The following ASPH variants were observed in gnomAD, a reference collection of about 807,000 sequenced individuals.
ASPH encodes the protein aspartate beta-hydroxylase.
A neutral mutation model predicts 118.4 loss-of-function variants in ASPH; 100 were observed. The ratio of observed to expected loss-of-function variants is 0.84; its 90% CI spans 0.72 to 1.00. The LOEUF is 1.00. Among genes scored for constraint, ASPH ranks in the 50% least tolerant of loss-of-function variants. The pLI is 0.00. For missense variants in ASPH, 920 were observed against 919.5 expected (o/e 1.00, Z -0.01); for synonymous variants, 315 against 325.6 (o/e 0.97, Z 0.35).
At chr8:61,640,206 A>G (rs917753224) in intron 10 of ASPH, among the ~76,000 whole-genome samples, 2 of 152,178 alleles carry the variant, frequency 1.3e-5, no homozygotes, top group Admixed American at 1.3e-4. Context: ...TCCTTCAGAC[A>G]GAGAGAGATG....
intron 24 of ASPH, among the ~76,000 whole-genome samples, chr8:61,505,976 G>T (rs933360759): frequency 6.6e-6 from 1 of 152,180 alleles, no homozygotes; most frequent in Non-Finnish European, 1.5e-5. Flanking sequence ...TATAATTTAT[G>T]TAGAAGATGA....
intron 1 of ASPH, among the ~76,000 whole-genome samples, chr8:61,703,954 G>A (rs1444749426): frequency 2.0e-5 from 3 of 152,056 alleles, no homozygotes; most frequent in Non-Finnish European, 2.9e-5. Context: ...GAGGGACTTT[G>A]GGAGGCCGAG....
intron 1 of ASPH, among the ~76,000 whole-genome samples, chr8:61,694,031 T>C (rs1833340739): frequency 6.6e-6 from 1 of 152,084 alleles, no homozygotes; most frequent in African/African-American, 2.4e-5. Context: ...CACCCTCCCA[T>C]ATTCTCTACA....
At chr8:61,619,519 G>C (rs1850164927) in intron 13 of ASPH, among the ~76,000 whole-genome samples, 1 of 152,276 alleles carries the variant, frequency 6.6e-6, no homozygotes, top group Middle Eastern at 3.4e-3. Context: ...ATCCATTGGG[G>C]GAGCTTGTGC....
intron 10 of ASPH, among the ~76,000 whole-genome samples, chr8:61,639,332 A>C (rs1588477865): frequency 1.3e-5 from 2 of 148,242 alleles, no homozygotes; most frequent in African/African-American, 5.0e-5. Context: ...CCCTCAACTC[A>C]CTCCCGCCTG....
chr8:61,501,086 A>G lies in ASPH; in HGVS notation c.*2273T>C, dbSNP rs1342738283. On this transcript the variant is annotated 3_prime_UTR_variant, in exon 25 of 25. Coordinates refer to ENST00000379454, the MANE Select transcript of ASPH (RefSeq NM_004318.4). Reference sequence around the variant, plus strand: ...ATATTTCTCAAACAACTGTATCACAATATAAATTAAACTAATTCATTTTTG... The same window carrying G: ...ATATTTCTCAAACAACTGTATCACAGTATAAATTAAACTAATTCATTTTTG... 1 of 152,240 alleles carries G rather than the reference A, an allele frequency of 6.6e-6. No individual in the cohort carries two copies. The highest frequency in any genetic ancestry group is 2.4e-5 in the African/African-American group (1 of 41,474). The allele number at this position is 152,240 out of a possible 1,614,324, so 9.4% of individuals were successfully genotyped here. A position where few individuals can be genotyped will look rare whatever the true frequency, so the allele number is the denominator to read the frequency against.
intron 6 of ASPH, among the ~76,000 whole-genome samples, chr8:61,646,046 A>C (rs1588587949): frequency 6.6e-6 from 1 of 152,184 alleles, no homozygotes; most frequent in Non-Finnish European, 1.5e-5. Flanking sequence ...TTGGCAGGGC[A>C]TGGTAGCATA....
At chr8:61,587,660 A>C (rs999218046) in intron 14 of ASPH, among the ~76,000 whole-genome samples, 3 of 152,248 alleles carry the variant, frequency 2.0e-5, no homozygotes, top group Admixed American at 1.3e-4. Flanking sequence ...CAGCACTAAA[A>C]TAGACAAAAT....
intron 14 of ASPH, chr8:61,606,936 C>A: frequency 8.9e-6 from 2 of 225,530 alleles, no homozygotes; most frequent in Non-Finnish European, 1.7e-5. Flanking sequence ...TCTGGGTTCA[C>A]AGGGCTCTTG....
chr8:61,512,721 G>A (rs757847242), intron 24 of ASPH, among the ~76,000 whole-genome samples: 3 of 152,108 alleles, frequency 2.0e-5, no homozygotes, highest in Non-Finnish European at 2.9e-5. Flanking sequence ...AATTATACAG[G>A]ATTGCCATAA....
chr8:61,603,130 T>A (rs549528105), intron 14 of ASPH, among the ~76,000 whole-genome samples: 7 of 137,826 alleles, frequency 5.1e-5, no homozygotes, highest in African/African-American at 1.9e-4. Context: ...GAGGTGGAGA[T>A]TGCAGTGAGC....
At chr8:61,620,514 T>G (rs1047215026) in intron 13 of ASPH, among the ~76,000 whole-genome samples, 1 of 151,888 alleles carries the variant, frequency 6.6e-6, no homozygotes, top group Non-Finnish European at 1.5e-5. Flanking sequence ...ATGTAGGTCT[T>G]GGTAGAATGT....
chr8:61,553,094 GC>G lies in ASPH; in HGVS notation c.1562del (p.Gly521AlafsTer47). On this transcript the variant is annotated frameshift_variant, in exon 20 of 25. Transcript: ENST00000379454. LOFTEE classifies it high-confidence loss of function. ...GGAAATAAAATCTCCCATCATCAGT[GC>G]CAGGATCTCCGGATTCTATTCCTTC... ...LKEGIESGDP[G>X]TDDGRFYFHL... is the part of the protein sequence containing the mutation. The G allele has an allele frequency of 6.2e-7, 1 of 1,613,544 alleles. No individual in the cohort carries two copies. The highest frequency in any genetic ancestry group is 1.1e-5 in the South Asian group (1 of 91,066).
intron 1 of ASPH, among the ~76,000 whole-genome samples, chr8:61,698,127 T>C (rs1834372534): frequency 6.6e-6 from 1 of 152,186 alleles, no homozygotes; most frequent in Non-Finnish European, 1.5e-5. Context: ...CAGAGTTTAA[T>C]TTAGCAAAGA....
intron 21 of ASPH, 32 bp downstream of exon 21, chr8:61,548,039 T>C (rs1170194991): frequency 3.2e-6 from 5 of 1,573,452 alleles, no homozygotes; most frequent in Non-Finnish European, 4.3e-6. Flanking sequence ...TAGACAAAGA[T>C]CTGGTGAGGA....
chr8:61,518,945 C>T (rs1811927844), intron 22 of ASPH, among the ~76,000 whole-genome samples: 1 of 152,208 alleles, frequency 6.6e-6, no homozygotes, highest in Non-Finnish European at 1.5e-5. Context: ...CCACTTTTCA[C>T]CGTGATATGC....
At chr8:61,535,780 G>A (rs1819245423) in intron 21 of ASPH, among the ~76,000 whole-genome samples, 1 of 152,166 alleles carries the variant, frequency 6.6e-6, no homozygotes, top group African/African-American at 2.4e-5. Context: ...AACATGATAA[G>A]ACGAGTAGCA....
chr8:61,534,692 A>G (rs1185088237), intron 21 of ASPH, among the ~76,000 whole-genome samples: 1 of 152,266 alleles, frequency 6.6e-6, no homozygotes, highest in African/African-American at 2.4e-5. Context: ...GTTCTAATCA[A>G]TCATAATTGG....
chr8:61,579,931 AAT>A lies in ASPH; in HGVS notation c.1063-3075_1063-3074del, dbSNP rs1349445572. Among the ~76,000 whole-genome samples, 1,441 of 146,646 alleles carry A rather than the reference AAT, an allele frequency of 9.8e-3. 29 individuals carry two copies. Among genetic ancestry groups the A allele is most frequent in the Non-Finnish European group, 0.013 (849 of 66,032 alleles). ...TGTCAAAAAAAAAAAAAAAAAAAAA[AAT>A]GGGAGAAATTCGCCAAAACAAAGGG... On this transcript the variant is annotated intron_variant, in intron 15 of 24. Transcript: ENST00000379454.
Sources: gnomAD v4.1 joint callset for allele counts (sites outside exome capture counted in the v4.1 genomes callset) on GRCh38, gnomAD v4.1.1 for gene constraint, MANE v1.5 for transcripts, NCBI Gene and HGNC (gene_info 2026-07-23, HGNC 2026-07-21) for gene names.